The following TBC1D19 variants were observed in gnomAD, a reference collection of about 807,000 sequenced individuals.
TBC1D19 encodes TBC1 domain family, member 19.
In TBC1D19, 60 loss-of-function variants were observed where a neutral mutation model predicts 89.0. The ratio of observed to expected loss-of-function variants is 0.67; its 90% CI spans 0.55 to 0.84. TBC1D19 has a LOEUF of 0.84. Among genes scored for constraint, TBC1D19 ranks in the 40% least tolerant of loss-of-function variants. The pLI, the probability that TBC1D19 is intolerant of heterozygous loss-of-function variation, is 0.00. For missense variants in TBC1D19, 500 were observed against 610.8 expected (o/e 0.82, Z 1.91); for synonymous variants, 189 against 199.7 (o/e 0.95, Z 0.45).
At chr4:26,847,105 C>T in the TBC1D19 span, among the ~76,000 whole-genome samples, 1 of 152,136 alleles carries the variant, frequency 6.6e-6, no homozygotes. Flanking sequence ...TCTATGTGTT[C>T]AGTCATTGAT....
chr4:26,698,598 C>T (rs1715022693), intron 13 of TBC1D19, among the ~76,000 whole-genome samples: 2 of 152,164 alleles, frequency 1.3e-5, no homozygotes, highest in African/African-American at 4.8e-5. Context: ...CATCACACTA[C>T]CTGACTTCAA....
At chr4:26,768,364 A>T in the TBC1D19 span, among the ~76,000 whole-genome samples, 1 of 152,230 alleles carries the variant, frequency 6.6e-6, no homozygotes, top group South Asian at 2.1e-4. Flanking sequence ...ACTTAACCCC[A>T]TATCAGCACA....
the TBC1D19 span, among the ~76,000 whole-genome samples, chr4:26,855,788 T>C: frequency 6.6e-6 from 1 of 152,256 alleles, no homozygotes; most frequent in Admixed American, 6.5e-5. Flanking sequence ...TCTCTTCAAG[T>C]GCTGTAGGGA....
chr4:26,800,576 G>A, the TBC1D19 span, among the ~76,000 whole-genome samples: 1 of 152,114 alleles, frequency 6.6e-6, no homozygotes, highest in African/African-American at 2.4e-5. Flanking sequence ...CTGAGGAATC[G>A]CCACACTGAC....
intron 13 of TBC1D19, among the ~76,000 whole-genome samples, chr4:26,706,592 C>A (rs1223012790): frequency 1.3e-5 from 2 of 151,974 alleles, no homozygotes; most frequent in African/African-American, 4.8e-5. Context: ...CTAGTTTGCC[C>A]ATTTTTTCCA....
chr4:26,765,609 C>T, the TBC1D19 span, among the ~76,000 whole-genome samples: 2 of 152,104 alleles, frequency 1.3e-5, no homozygotes, highest in African/African-American at 4.8e-5. Flanking sequence ...ACCGTCTCCT[C>T]AGAGGTGACT....
At chr4:26,824,072 G>T in the TBC1D19 span, among the ~76,000 whole-genome samples, 3 of 152,200 alleles carry the variant, frequency 2.0e-5, no homozygotes, top group African/African-American at 7.2e-5. Flanking sequence ...GTATAAATAA[G>T]ATCCAGGAAT....
At chr4:26,752,289 G>C (rs1031366315) in intron 19 of TBC1D19, among the ~76,000 whole-genome samples, 5 of 144,252 alleles carry the variant, frequency 3.5e-5, no homozygotes, top group African/African-American at 1.3e-4. Flanking sequence ...GTGTTACCCA[G>C]GCTAGAGCAC....
At chr4:26,788,462 T>A in the TBC1D19 span, among the ~76,000 whole-genome samples, 1 of 152,146 alleles carries the variant, frequency 6.6e-6, no homozygotes. Context: ...AATCAGATAC[T>A]CTTGGTTCTA....
At chr4:26,681,554 AAAAATAT>A (rs1315685605) in intron 11 of TBC1D19, among the ~76,000 whole-genome samples, 1 of 152,034 alleles carries the variant, frequency 6.6e-6, no homozygotes, top group African/African-American at 2.4e-5. Flanking sequence ...CCGTCTCAAA[AAAAATAT>A]ATATATATAC....
chr4:26,594,077 C>T (rs1740024432), intron 1 of TBC1D19, among the ~76,000 whole-genome samples: 2 of 152,130 alleles, frequency 1.3e-5, no homozygotes. Context: ...ATAGCAAAGA[C>T]TTGGAACCAA....
chr4:26,804,910 C>T, the TBC1D19 span, among the ~76,000 whole-genome samples: 2 of 152,148 alleles, frequency 1.3e-5, no homozygotes, highest in Non-Finnish European at 2.9e-5. Context: ...ATATTGGAAC[C>T]GAGACTCAGG....
chr4:26,846,255 AG>A, the TBC1D19 span, among the ~76,000 whole-genome samples: 1 of 152,178 alleles, frequency 6.6e-6, no homozygotes, highest in African/African-American at 2.4e-5. Context: ...GTACACATTC[AG>A]TTTTACTGAT....
the TBC1D19 span, among the ~76,000 whole-genome samples, chr4:26,838,861 G>C: frequency 6.6e-6 from 1 of 152,194 alleles, no homozygotes; most frequent in East Asian, 1.9e-4. Flanking sequence ...GACCAAGTTA[G>C]ATCCTTCATA....
chr4:26,767,732 G>T, the TBC1D19 span, among the ~76,000 whole-genome samples: 1 of 152,144 alleles, frequency 6.6e-6, no homozygotes, highest in Non-Finnish European at 1.5e-5. Flanking sequence ...GCTAAATTTT[G>T]TTATAGCAGC....
At chr4:26,819,526 C>T in the TBC1D19 span, among the ~76,000 whole-genome samples, 1 of 152,296 alleles carries the variant, frequency 6.6e-6, no homozygotes, top group African/African-American at 2.4e-5. Context: ...TCCAAGCTGC[C>T]ACTGACTCTC....
upstream of TBC1D19, among the ~76,000 whole-genome samples, chr4:26,581,254 A>G (rs1017527319): frequency 2.0e-5 from 3 of 152,216 alleles, no homozygotes; most frequent in Non-Finnish European, 4.4e-5. Context: ...CATGTGCAGA[A>G]CGTGCAGGTT....
chr4:26,745,697 A>G (rs764696387), intron 18 of TBC1D19, among the ~76,000 whole-genome samples: 4 of 151,074 alleles, frequency 2.6e-5, no homozygotes, highest in Non-Finnish European at 4.4e-5. Flanking sequence ...TTTTTAGTAG[A>G]GACGGGGTTT....
intron 18 of TBC1D19, among the ~76,000 whole-genome samples, chr4:26,743,386 G>A (rs1050385323): frequency 3.9e-5 from 6 of 152,130 alleles, no homozygotes; most frequent in Admixed American, 3.3e-4. Flanking sequence ...CTCAGTGGGT[G>A]GAAATTTAAT....
Sources: gnomAD v4.1 joint callset for allele counts (sites outside exome capture counted in the v4.1 genomes callset) on GRCh38, gnomAD v4.1.1 for gene constraint, MANE v1.5 for transcripts, NCBI Gene and HGNC (gene_info 2026-07-23, HGNC 2026-07-21) for gene names.